Variants in IFT80 observed in about 807,000 individuals in gnomAD.
The protein encoded by IFT80 is intraflagellar transport protein 80 homolog.
A neutral mutation model predicts 107.9 loss-of-function variants in IFT80; 79 were observed. The ratio of observed to expected loss-of-function variants is 0.73; its 90% CI spans 0.61 to 0.88. IFT80 has a LOEUF of 0.88. Ranked by LOEUF, IFT80 falls within the 40% of genes least tolerant of loss-of-function variation. IFT80 has a pLI of 0.00. For missense variants in IFT80, 797 were observed against 914.2 expected, an observed-to-expected ratio of 0.87 and a Z score of 1.65; for synonymous variants, 299 against 300.9, an observed-to-expected ratio of 0.99 and a Z score of 0.07.
At chr3:160,338,247 G>C (rs1410826631) in intron 8 of IFT80, among the ~76,000 whole-genome samples, 1 of 152,140 alleles carries the variant, frequency 6.6e-6, no homozygotes, top group Non-Finnish European at 1.5e-5. Flanking sequence ...AGCAGACAGA[G>C]AACTGGACTT....
chr3:160,262,020 C>G (rs1207023981), intron 19 of IFT80, among the ~76,000 whole-genome samples: 1 of 151,964 alleles, frequency 6.6e-6, no homozygotes, highest in Admixed American at 6.6e-5. Flanking sequence ...TTCTTTCTTT[C>G]TCTCTCTTTT....
At chr3:160,273,741 T>G (rs1244203488) in intron 18 of IFT80, among the ~76,000 whole-genome samples, 3 of 152,180 alleles carry the variant, frequency 2.0e-5, no homozygotes, top group African/African-American at 7.2e-5. Flanking sequence ...AGATGAGAGA[T>G]GCATATTTTG....
chr3:160,351,364 G>C (rs184914360), intron 8 of IFT80, among the ~76,000 whole-genome samples: 11 of 149,168 alleles, frequency 7.4e-5, no homozygotes, highest in African/African-American at 2.7e-4. Flanking sequence ...TAGAGATTTA[G>C]ATTGCTTTTC....
At position 160,397,716 on chromosome 3, in the gene IFT80, C is replaced by CTTTTTTT. The variant is rs545413654; in HGVS notation, c.-47+1423_-47+1429dup. On this transcript the variant is annotated intron_variant, in intron 1 of 19. Coordinates refer to ENST00000326448, the MANE Select transcript of IFT80 (RefSeq NM_020800.3). ...AATACACCACTCAATTTGGTCTATA[C>CTTTTTTT]TTTTTTTTTTTTTTTTTTTTTTGAG... Among the ~76,000 whole-genome samples the CTTTTTTT allele has an allele frequency of 9.3e-5, 9 of 96,596 alleles. 1 individual carries two copies. The highest frequency in any genetic ancestry group is 3.3e-4 in the African/African-American group (8 of 23,970). 63.4% of individuals were successfully genotyped at this position (96,596 alleles called of 152,430 possible).
chr3:160,284,238 G>A (rs1329908071), intron 13 of IFT80, among the ~76,000 whole-genome samples: 1 of 151,600 alleles, frequency 6.6e-6, no homozygotes, highest in Non-Finnish European at 1.5e-5. Flanking sequence ...TTGTAAATTA[G>A]GAAATTCTTA....
chr3:160,396,252 G>A (rs1576916444), intron 1 of IFT80, among the ~76,000 whole-genome samples: 2 of 152,034 alleles, frequency 1.3e-5, no homozygotes, highest in South Asian at 2.1e-4. Context: ...ATATTATCAA[G>A]AGGAATATTC....
At chr3:160,281,083 A>G (rs1294821377) in intron 14 of IFT80, among the ~76,000 whole-genome samples, 1 of 152,166 alleles carries the variant, frequency 6.6e-6, no homozygotes, top group African/African-American at 2.4e-5. Flanking sequence ...AGACTTGCTA[A>G]TAAGTTAATC....
Position 160,319,910 on chromosome 3 carries a change from A to G in IFT80, c.807T>C (p.Thr269=), listed in dbSNP as rs372419950. The G allele has an allele frequency of 2.5e-4, 411 of 1,611,952 alleles. No individual in the cohort carries two copies. Among genetic ancestry groups the G allele is most frequent in the Non-Finnish European group, 3.4e-4 (399 of 1,179,126 alleles). The part of the protein sequence containing the change: ...GWSYALEKPN[T]GSIFNIAWSI... ...ACCATGCAATATTAAATATGCTGCC[A>G]GTGTTGGGTTTTTCTAATGCATATG... Residue 269 remains threonine, a synonymous_variant, in exon 9 of 20, where the codon ACT becomes ACC. Coordinates refer to ENST00000326448, the MANE Select transcript of IFT80 (RefSeq NM_020800.3).
At chr3:160,351,574 C>T (rs1720702984) in intron 8 of IFT80, among the ~76,000 whole-genome samples, 4 of 139,612 alleles carry the variant, frequency 2.9e-5, no homozygotes, top group Non-Finnish European at 4.8e-5. Context: ...TATATACACA[C>T]ATATATTATA....
At chr3:160,317,286 C>G (rs1717892196) in intron 9 of IFT80, among the ~76,000 whole-genome samples, 1 of 151,598 alleles carries the variant, frequency 6.6e-6, no homozygotes, top group African/African-American at 2.4e-5. Context: ...AAAGTAAAAC[C>G]TCTTTAAAAA....
intron 9 of IFT80, among the ~76,000 whole-genome samples, chr3:160,317,140 T>C (rs1374984395): frequency 6.6e-6 from 1 of 152,136 alleles, no homozygotes; most frequent in Non-Finnish European, 1.5e-5. Context: ...GTATTCCTCA[T>C]TACTTAGCCC....
Position 160,277,479 on chromosome 3 carries a change from C to A in IFT80, c.1927-1G>T, listed in dbSNP as rs777568490. The A allele has an allele frequency of 6.2e-7, 1 of 1,601,824 alleles. No homozygotes were observed. The highest frequency in any genetic ancestry group is 1.1e-5 in the South Asian group (1 of 90,498). ...AATTGATGTACTGAACCTTATCAATCTAAAAAAGAAAAGAAAAATATTGAA... is the reference window on the plus strand; with the variant it reads ...AATTGATGTACTGAACCTTATCAATATAAAAAAGAAAAGAAAAATATTGAA... On this transcript the variant is annotated splice_acceptor_variant, in intron 17 of 19. Transcript: ENST00000326448. LOFTEE classifies it high-confidence loss of function.
chr3:160,271,246 A>G (rs1414446957), intron 18 of IFT80, among the ~76,000 whole-genome samples: 3 of 152,188 alleles, frequency 2.0e-5, no homozygotes, highest in African/African-American at 7.2e-5. Context: ...TTTTGGGAAC[A>G]GTATGTCTCT....
At chr3:160,374,816 C>T (rs899399325) in intron 5 of IFT80, among the ~76,000 whole-genome samples, 1 of 152,158 alleles carries the variant, frequency 6.6e-6, no homozygotes, top group East Asian at 1.9e-4. Context: ...TTGACTTTTG[C>T]TGTTAACTGA....
chr3:160,291,544 T>C (rs770025684), intron 12 of IFT80, among the ~76,000 whole-genome samples: 8 of 152,234 alleles, frequency 5.3e-5, no homozygotes, highest in African/African-American at 1.9e-4. Flanking sequence ...GGTTTATGAA[T>C]AGCAGTTCAA....
At chr3:160,379,647 G>T (rs1712313169) in intron 3 of IFT80, among the ~76,000 whole-genome samples, 1 of 152,108 alleles carries the variant, frequency 6.6e-6, no homozygotes, top group African/African-American at 2.4e-5. Flanking sequence ...AGTGAATCTG[G>T]ATAAAGGACA....
At chr3:160,339,924 C>T (rs912628268) in intron 8 of IFT80, among the ~76,000 whole-genome samples, 8 of 152,072 alleles carry the variant, frequency 5.3e-5, no homozygotes, top group Non-Finnish European at 8.8e-5. Flanking sequence ...TGAGACTGAC[C>T]AATTTGGTTT....
intron 8 of IFT80, among the ~76,000 whole-genome samples, chr3:160,330,895 TC>T (rs1226380347): frequency 6.6e-6 from 1 of 152,178 alleles, no homozygotes; most frequent in African/African-American, 2.4e-5. Flanking sequence ...AGTAGTCCCT[TC>T]TTGTCCACAG....
chr3:160,349,765 T>C (rs763400412), intron 8 of IFT80, among the ~76,000 whole-genome samples: 4 of 152,166 alleles, frequency 2.6e-5, no homozygotes, highest in Non-Finnish European at 2.9e-5. Flanking sequence ...GAAAACATTG[T>C]GTGAGAAAAG....
Sources: allele counts gnomAD v4.1 joint callset (sites outside exome capture counted in the v4.1 genomes callset), GRCh38; gene constraint gnomAD v4.1.1; transcripts MANE v1.5; gene names NCBI Gene and HGNC (gene_info 2026-07-23, HGNC 2026-07-21).